ESYT3: variants seen among roughly 807,000 people sequenced by gnomAD.
ESYT3 encodes the protein extended synaptotagmin-3.
ESYT3 carries 101 observed loss-of-function variants against 111.5 expected under a neutral mutation model. The observed-to-expected ratio is 0.91, with a 90% CI of 0.77 to 1.07. ESYT3 has a LOEUF of 1.07. ESYT3 is among the 50% of genes least tolerant of loss of function. ESYT3 has a pLI of 0.00. For missense variants in ESYT3, 1,097 were observed against 1,109.4 expected (o/e 0.99, Z 0.16); for synonymous variants, 416 against 446.8 (o/e 0.93, Z 0.87).
intron 6 of ESYT3, among the ~76,000 whole-genome samples, 199 bp from the exon 7 acceptor site, chr3:138,460,412 G>T (rs529933060): frequency 5.3e-5 from 8 of 152,272 alleles, no homozygotes; most frequent in Admixed American, 1.3e-4. Flanking sequence ...CCTCGATACC[G>T]CTAGATGCCT....
chr3:138,436,183 C>G (rs2030670297), intron 1 of ESYT3, among the ~76,000 whole-genome samples: 1 of 152,158 alleles, frequency 6.6e-6, no homozygotes, highest in African/African-American at 2.4e-5. Flanking sequence ...TAACTGAGTA[C>G]AACAGGCTGC....
intron 18 of ESYT3, 199 bp downstream of exon 18, chr3:138,473,058 C>A: frequency 1.4e-6 from 2 of 1,432,122 alleles, no homozygotes; most frequent in Non-Finnish European, 1.8e-6. Context: ...GCTCTAGCTG[C>A]GTACTGACTA....
intron 8 of ESYT3, among the ~76,000 whole-genome samples, chr3:138,463,627 T>C (rs1560233847): frequency 6.6e-6 from 1 of 152,214 alleles, no homozygotes; most frequent in Non-Finnish European, 1.5e-5. Context: ...TTTTTGCTAG[T>C]ATGCCCTTGG....
At position 138,465,308 on chromosome 3, in the gene ESYT3, TGCAGGTCAAGACACCTC is replaced by T; in HGVS notation, c.1087-30_1087-14del. 6.6e-7 allele frequency: 1 copy of T among 1,523,602 alleles called. No individual in the cohort carries two copies. Among genetic ancestry groups the T allele is most frequent in the Non-Finnish European group, 8.9e-7 (1 of 1,118,058 alleles). The allele number at this position is 1,523,602 out of a possible 1,614,324, so 94.4% of individuals were successfully genotyped here. On this transcript the variant is annotated splice_polypyrimidine_tract_variant and intron_variant, in intron 9 of 22. Coordinates refer to ENST00000389567, the MANE Select transcript of ESYT3 (RefSeq NM_031913.5). Reference sequence around the variant, plus strand: ...GTCATATGTCAGGTCGACTGTTGCCTGCAGGTCAAGACACCTCTTTTTCCTTCCAGTTCATGGTGTAC... The same window carrying T: ...GTCATATGTCAGGTCGACTGTTGCCTTTTTTCCTTCCAGTTCATGGTGTAC...
chr3:138,476,492 G>GGTAA lies in ESYT3; in HGVS notation c.2624+3_2624+6dup, dbSNP rs1370543227. The stretch of plus-strand genomic sequence containing the variant: ...GATCTGATTAAGGGCTTTTCACAAT[G>GGTAA]GTAAGTGTGCCCTTTCATTTTATCA... On this transcript the variant is annotated stop_gained and frameshift_variant and splice_region_variant. Coordinates refer to ENST00000389567, the MANE Select transcript of ESYT3 (RefSeq NM_031913.5). LOFTEE classifies it high-confidence loss of function. 9 of 1,613,100 alleles carry GGTAA rather than the reference G, an allele frequency of 5.6e-6. No homozygotes were observed. The highest frequency in any genetic ancestry group is 1.7e-5 in the Admixed American group (1 of 59,996).
chr3:138,446,208 A>T (rs1329964381), intron 1 of ESYT3, among the ~76,000 whole-genome samples: 1 of 152,198 alleles, frequency 6.6e-6, no homozygotes, highest in African/African-American at 2.4e-5. Flanking sequence ...TAAATCCCAG[A>T]CTTTGTAAAA....
At chr3:138,446,785 G>A in intron 1 of ESYT3, among the ~76,000 whole-genome samples, 1 of 152,122 alleles carries the variant, frequency 6.6e-6, no homozygotes. Flanking sequence ...CAGCTACTAG[G>A]GAGGCCAAGG....
intron 20 of ESYT3, among the ~76,000 whole-genome samples, chr3:138,474,945 T>G (rs1380412619): frequency 6.6e-6 from 1 of 152,244 alleles, no homozygotes; most frequent in Non-Finnish European, 1.5e-5. Flanking sequence ...GTGTACCTTC[T>G]GCTTCAGGGT....
chr3:138,435,368 T>C lies in ESYT3; in HGVS notation c.327+243T>C. On this transcript the variant is annotated intron_variant, in intron 1 of 22. Transcript: ENST00000389567. This position sits in a 1 kb window ranked among gnomAD's most constrained non-coding sequence, Gnocchi z 4.8. ...CTGCGGTGGGAGTGGGGAACTTGGGTTTCATTTAAGGCCCCAGAGCTCGAG... is the reference window on the plus strand; with the variant it reads ...CTGCGGTGGGAGTGGGGAACTTGGGCTTCATTTAAGGCCCCAGAGCTCGAG... 6.6e-6 allele frequency among the ~76,000 whole-genome samples: 1 copy of C among 151,732 alleles called. No homozygotes were observed. Among genetic ancestry groups the C allele is most frequent in the African/African-American group, 2.4e-5 (1 of 41,268 alleles).
At chr3:138,476,167 T>C in intron 20 of ESYT3, 56 bp from the exon 21 acceptor site, 2 of 1,198,690 alleles carry the variant, frequency 1.7e-6, no homozygotes, top group Non-Finnish European at 2.5e-6. Flanking sequence ...GCACTTTAGA[T>C]TTTCAAGAAA....
At position 138,457,633 on chromosome 3, in the gene ESYT3, C is replaced by T. The variant is rs1428506569; in HGVS notation, c.570C>T (p.Asp190=). 6.2e-7 allele frequency: 1 copy of T among 1,614,042 alleles called. No individual in the cohort carries two copies. The highest frequency in any genetic ancestry group is 1.3e-5 in the African/African-American group (1 of 74,920). The change falls in exon 4 of 23, where the codon GAC becomes GAT. Residue 190 remains aspartate, a synonymous_variant. Coordinates refer to ENST00000389567, the MANE Select transcript of ESYT3 (RefSeq NM_031913.5). ...NTCNRRRVTV[D]LQICYIGDCE... is the part of the protein sequence containing the mutation. ...GCAACCGAAGACGTGTGACTGTGGACCTGCAGATCTGGTGAGCTCTATCGG... is the reference window on the plus strand; with the variant it reads ...GCAACCGAAGACGTGTGACTGTGGATCTGCAGATCTGGTGAGCTCTATCGG...
rs141949822 is a variant in ESYT3 at position 138,455,197 on chromosome 3, A to T, written c.373A>T (p.Ile125Phe). Residue 125 changes from isoleucine to phenylalanine, a missense_variant, in exon 3 of 23, where the codon ATC becomes TTC. Ile to Phe is a conservative substitution (Grantham distance 21, BLOSUM62 0). Transcript: ENST00000389567. ...VERVEWANKI[I>F]SQTWPYLSMI... ...GAGCCTCTTCCCGTCTTCACAGATC[A>T]TCTCTCAGACCTGGCCCTACCTAAG... 1.9e-6 allele frequency: 3 copies of T among 1,614,078 alleles called. No homozygotes were observed. The highest frequency in any genetic ancestry group is 2.7e-5 in the African/African-American group (2 of 74,926).
intron 7 of ESYT3, among the ~76,000 whole-genome samples, chr3:138,461,706 A>G (rs1401716898): frequency 2.0e-5 from 3 of 152,218 alleles, no homozygotes; most frequent in Admixed American, 2.0e-4. Context: ...GCTCCAGGTT[A>G]GAGGTGAGGA....
intron 1 of ESYT3, among the ~76,000 whole-genome samples, chr3:138,449,646 C>T (rs2031795492): frequency 6.6e-6 from 1 of 152,156 alleles, no homozygotes. Flanking sequence ...AACTACTCAG[C>T]TCCTGAAGTC....
rs1216951994 is a variant in ESYT3 at position 138,435,074 on chromosome 3, T to C, written c.276T>C (p.Asn92=). Residue 92 remains asparagine, a synonymous_variant, in exon 1 of 23, where the codon AAT becomes AAC. Coordinates refer to ENST00000389567, the MANE Select transcript of ESYT3 (RefSeq NM_031913.5). This position sits in a 1 kb window ranked among gnomAD's most constrained non-coding sequence, Gnocchi z 4.8. ...RLAAAFEFLD[N]EREFISRELR... is the part of the protein sequence containing the mutation. ...CCGCCGCCTTCGAATTCCTTGACAA[T>C]GAACGCGAGTTCATCAGCCGCGAGC... 3 of 1,593,830 alleles carry C rather than the reference T, an allele frequency of 1.9e-6. No individual in the cohort carries two copies. The highest frequency in any genetic ancestry group is 1.7e-6 in the Non-Finnish European group (2 of 1,172,534).
At chr3:138,449,286 A>C (rs1404578389) in intron 1 of ESYT3, among the ~76,000 whole-genome samples, 1 of 151,822 alleles carries the variant, frequency 6.6e-6, no homozygotes, top group Non-Finnish European at 1.5e-5. Context: ...GAGTTTTGCC[A>C]TGTTGGCCAG....
chr3:138,476,190 G>A, intron 20 of ESYT3, 33 bp from the exon 21 acceptor site: 1 of 1,338,140 alleles, frequency 7.5e-7, no homozygotes, highest in South Asian at 1.2e-5. Flanking sequence ...TGAATGAAAT[G>A]CATAATTCTC....
chr3:138,449,709 G>A (rs1307219375), intron 1 of ESYT3, among the ~76,000 whole-genome samples: 1 of 152,166 alleles, frequency 6.6e-6, no homozygotes. Flanking sequence ...GCTTGGGCTG[G>A]AAGGAGGACA....
In ESYT3 at chr3:138,462,151, CTG is replaced by C. The variant is rs2032678321; in HGVS notation, c.863_864del (p.Val288AlafsTer59). The C allele has an allele frequency of 6.2e-7, 1 of 1,614,114 alleles. No homozygotes were observed. The highest frequency in any genetic ancestry group is 8.5e-7 in the Non-Finnish European group (1 of 1,180,046). On this transcript the variant is annotated frameshift_variant, in exon 8 of 23. Transcript: ENST00000389567. LOFTEE classifies it high-confidence loss of function. ...CACCTGGTGCTGCCCAACCGTGTGA[CTG>C]TGCCTGTGAAGAAGGGGCTGGATCT...
Sources: gnomAD v4.1 joint callset for allele counts (sites outside exome capture counted in the v4.1 genomes callset) on GRCh38, gnomAD v4.1.1 for gene constraint, Gnocchi (gnomAD v3.1) non-coding constraint, MANE v1.5 for transcripts, NCBI Gene and HGNC (gene_info 2026-07-23, HGNC 2026-07-21) for gene names.